The following IRAK1BP1 variants were observed in gnomAD, a reference collection of about 807,000 sequenced individuals.
The protein encoded by IRAK1BP1 is interleukin-1 receptor-associated kinase 1-binding protein 1.
In IRAK1BP1, 24 loss-of-function variants were observed where a neutral mutation model predicts 28.0. The observed-to-expected ratio is 0.86, with a 90% CI of 0.62 to 1.20. The LOEUF (loss-of-function observed/expected upper bound fraction) is 1.20. Among genes scored for constraint, IRAK1BP1 ranks in the 50% most tolerant of loss-of-function variants. The pLI, the probability that IRAK1BP1 is intolerant of heterozygous loss-of-function variation, is 0.00. For synonymous variants in IRAK1BP1, 131 were observed against 116.3 expected, an observed-to-expected ratio of 1.13 and a Z score of -0.81; for missense variants, 336 against 316.7, an observed-to-expected ratio of 1.06 and a Z score of -0.46.
chr6:78,885,180 C>T (rs1562080957), intron 1 of IRAK1BP1, among the ~76,000 whole-genome samples, 198 bp from the exon 2 acceptor site: 1 of 152,028 alleles, frequency 6.6e-6, no homozygotes, highest in African/African-American at 2.4e-5. Context: ...AAAGGAGTGA[C>T]ATTTATGAAA....
At chr6:78,889,515 C>T (rs916380535) in intron 2 of IRAK1BP1, among the ~76,000 whole-genome samples, 1 of 150,334 alleles carries the variant, frequency 6.7e-6, no homozygotes, top group Non-Finnish European at 1.5e-5. Flanking sequence ...AAAAATTTTG[C>T]TTGCTATCCA....
chr6:78,870,740 C>T (rs909613435), intron 1 of IRAK1BP1, among the ~76,000 whole-genome samples: 1 of 151,564 alleles, frequency 6.6e-6, no homozygotes, highest in East Asian at 1.9e-4. Flanking sequence ...GATGGAGTTT[C>T]GCTTTTGTCG....
intron 4 of IRAK1BP1, among the ~76,000 whole-genome samples, chr6:78,910,879 G>A (rs1772395298): frequency 6.6e-6 from 1 of 152,244 alleles, no homozygotes; most frequent in South Asian, 2.1e-4. Context: ...CGCACCAACA[G>A]CGGAGGGCGT....
the IRAK1BP1 span, among the ~76,000 whole-genome samples, chr6:78,968,557 A>T: frequency 6.6e-6 from 1 of 152,230 alleles, no homozygotes; most frequent in African/African-American, 2.4e-5. Flanking sequence ...GAGGTCCTGG[A>T]AGTAATTCCC....
At chr6:78,910,752 C>T (rs1273973941) in intron 4 of IRAK1BP1, among the ~76,000 whole-genome samples, 1 of 152,268 alleles carries the variant, frequency 6.6e-6, no homozygotes, top group African/African-American at 2.4e-5. Context: ...AATCGCGCTT[C>T]TCGCCGGCTG....
Position 78,901,832 on chromosome 6 carries a change from A to G in IRAK1BP1, c.*3498A>G, listed in dbSNP as rs1772113255. On this transcript the variant is annotated 3_prime_UTR_variant, in exon 4 of 4. Coordinates refer to ENST00000369940, the MANE Select transcript of IRAK1BP1 (RefSeq NM_001010844.4). ...TAAACAAATAGGACTTAGAAAAATA[A>G]TTTGTAACTCAAGATGCTGTACCTC... The G allele has an allele frequency of 6.6e-6, 1 of 152,168 alleles. No individual in the cohort carries two copies. Among genetic ancestry groups the G allele is most frequent in the Non-Finnish European group, 1.5e-5 (1 of 68,010 alleles). The allele number at this position is 152,168 out of a possible 1,614,324, so 9.4% of individuals were successfully genotyped here.
At chr6:78,882,666 A>C (rs1055207371) in intron 1 of IRAK1BP1, among the ~76,000 whole-genome samples, 3 of 152,196 alleles carry the variant, frequency 2.0e-5, no homozygotes, top group African/African-American at 7.2e-5. Context: ...ACAAAGGAAG[A>C]CTGAGAAACT....
chr6:78,871,363 C>T lies in IRAK1BP1; in HGVS notation c.315+3472C>T, dbSNP rs1033926851. 5.1e-6 allele frequency: 5 copies of T among 985,050 alleles called. No individual in the cohort carries two copies. In the African/African-American group the frequency reaches 8.7e-5, roughly 17 times the overall value. The allele number at this position is 985,050 out of a possible 1,614,324, so 61.0% of individuals were successfully genotyped here. A position where few individuals can be genotyped will look rare whatever the true frequency, so the allele number is the denominator to read the frequency against. ...AAGGGAGTGTTTAACCCCTTTAACCCATTGCAGTATGAGCAAGACTACTGT... is the reference window on the plus strand; with the variant it reads ...AAGGGAGTGTTTAACCCCTTTAACCTATTGCAGTATGAGCAAGACTACTGT... On this transcript the variant is annotated intron_variant, in intron 1 of 3. Transcript: ENST00000369940.
downstream of IRAK1BP1, among the ~76,000 whole-genome samples, chr6:78,907,728 A>AT (rs977309648): frequency 2.7e-4 from 41 of 150,668 alleles, no homozygotes; most frequent in South Asian, 4.2e-4. Context: ...ATTTATTATT[A>AT]TTTTTTTTTG....
At chr6:78,945,206 C>T (rs1773735827) in intron 4 of IRAK1BP1, 1 of 924,930 alleles carries the variant, frequency 1.1e-6, no homozygotes, top group African/African-American at 1.7e-5. Flanking sequence ...TTTAAGTGGG[C>T]AACCTGAAAA....
the IRAK1BP1 span, among the ~76,000 whole-genome samples, chr6:78,959,158 C>CTAAAATAAAAT: frequency 6.6e-6 from 1 of 151,938 alleles, no homozygotes. Flanking sequence ...ATTGACAATG[C>CTAAAATAAAAT]TAAAATAAAA....
In IRAK1BP1 at chr6:78,944,043, A is replaced by C. The variant is rs9443629; in HGVS notation, c.*68-1365A>C. 5.2e-3 allele frequency among the ~76,000 whole-genome samples: 776 copies of C among 149,878 alleles called. 11 individuals are homozygous for C. Among genetic ancestry groups the C allele is most frequent in the African/African-American group, 0.018 (735 of 41,048 alleles). ...GTGCTTGATTCTATCTAAAGAAGCC[A>C]GGAGAAGACTTCCTAAAGAAGACGA... On this transcript the variant is annotated intron_variant and NMD_transcript_variant, in intron 4 of 4. Coordinates refer to the IRAK1BP1 transcript ENST00000606868.
intron 4 of IRAK1BP1, chr6:78,938,704 A>C (rs1162812661): frequency 6.6e-6 from 1 of 151,718 alleles, no homozygotes; most frequent in African/African-American, 2.4e-5. Context: ...GAAAAAAATA[A>C]ATATACAAAA....
chr6:78,948,988 C>T (rs924352520), downstream of IRAK1BP1, among the ~76,000 whole-genome samples: 4 of 152,034 alleles, frequency 2.6e-5, no homozygotes, highest in East Asian at 7.7e-4. Context: ...CCTTTTCTTG[C>T]CTTATTGCAT....
At chr6:78,935,837 G>C in intron 4 of IRAK1BP1, 1 of 682,986 alleles carries the variant, frequency 1.5e-6, no homozygotes, top group Non-Finnish European at 1.8e-6. Flanking sequence ...ACTTTAAAAA[G>C]CAAATAATAA....
intron 4 of IRAK1BP1, among the ~76,000 whole-genome samples, chr6:78,932,421 CTTTTTTT>C (rs386407659): frequency 1.1e-4 from 14 of 123,702 alleles, no homozygotes; most frequent in South Asian, 2.6e-4. Context: ...CTTTCTTTTT[CTTTTTTT>C]TTTTTTTTTT....
chr6:78,945,689 T>C, exon 5 of IRAK1BP1: 1 of 613,168 alleles, frequency 1.6e-6, no homozygotes, highest in East Asian at 2.9e-5. Context: ...TCAGCCCTTT[T>C]AGAAGCTGTC....
rs1450500184 is a variant in IRAK1BP1, at chr6:78,902,078, A to G, written c.*3744A>G. The G allele has an allele frequency of 6.6e-6, 1 of 152,240 alleles. No individual in the cohort carries two copies. The highest frequency in any genetic ancestry group is 1.5e-5 in the Non-Finnish European group (1 of 68,040). The allele number at this position is 152,240 out of a possible 1,614,324, so 9.4% of individuals were successfully genotyped here. On this transcript the variant is annotated 3_prime_UTR_variant, in exon 4 of 4. Transcript: ENST00000369940. Reference sequence around the variant, plus strand: ...TTCCAACAAAAAAAGACCTATATAAATTAGTTTAAGCTAACATTTAGACAT... The same window carrying G: ...TTCCAACAAAAAAAGACCTATATAAGTTAGTTTAAGCTAACATTTAGACAT...
At chr6:78,910,190 C>T (rs1007248623) in intron 4 of IRAK1BP1, among the ~76,000 whole-genome samples, 1 of 151,852 alleles carries the variant, frequency 6.6e-6, no homozygotes, top group Non-Finnish European at 1.5e-5. Flanking sequence ...AATGCCTGCT[C>T]GGGGAGGGGA....
Sources: allele counts gnomAD v4.1 joint callset (sites outside exome capture counted in the v4.1 genomes callset), GRCh38; gene constraint gnomAD v4.1.1; transcripts MANE v1.5; gene names NCBI Gene and HGNC (gene_info 2026-07-23, HGNC 2026-07-21).